Variants in CELSR3 observed in about 807,000 individuals in gnomAD.
CELSR3 encodes EGF-like protein 1.
In CELSR3, 73 loss-of-function variants were observed where a neutral mutation model predicts 270.0. That is an observed-to-expected ratio of 0.27 (90% CI 0.22 to 0.33). The LOEUF (loss-of-function observed/expected upper bound fraction) is 0.33, where lower values mean the gene tolerates loss of function less well. Among genes scored for constraint, CELSR3 ranks in the 10% least tolerant of loss-of-function variants. The pLI, the probability that CELSR3 is intolerant of heterozygous loss-of-function variation, is 1.00. For synonymous variants in CELSR3, 1,780 were observed against 1,905.4 expected (o/e 0.93, Z 1.71); for missense variants, 3,614 against 4,533.8 (o/e 0.80, Z 5.83).
In CELSR3 at chr3:48,643,014, G is replaced by T; in HGVS notation, c.8359C>A (p.Leu2787Met). 1 of 1,612,864 alleles carries T rather than the reference G, an allele frequency of 6.2e-7. No homozygotes were observed. The highest frequency in any genetic ancestry group is 1.1e-5 in the South Asian group (1 of 91,070). The change falls in exon 29 of 35, where the codon CTG becomes ATG. Residue 2787 changes from leucine (L) to methionine (M), a missense_variant. Leu to Met is a conservative substitution (Grantham distance 15, BLOSUM62 2). Coordinates refer to ENST00000164024, the MANE Select transcript of CELSR3 (RefSeq NM_001407.3). ...TCCTCAGGCGCTGCCTTCCTGCCCA[G>T]ACAGGCTGGCATCCAGGCAGCCCGA... The part of the protein sequence containing the change: ...DARAAWMPAC[L>M]GRKAAPEEAR...
At position 48,644,932 on chromosome 3, in the gene CELSR3, ATAGATGGC is replaced by A; in HGVS notation, c.7972+95_7972+102del. On this transcript the variant is annotated intron_variant, in intron 25 of 34. Transcript: ENST00000164024. This position sits in a 1 kb window ranked among gnomAD's most constrained non-coding sequence, Gnocchi z 4.8. ...TGAGGGCAGAGCAGCAACCCCATGA[ATAGATGGC>A]TTGGGGTTTGAGGTTGGGGGTCATG... 6.6e-7 allele frequency: 1 copy of A among 1,512,642 alleles called. No homozygotes were observed. The highest frequency in any genetic ancestry group is 1.2e-5 in the South Asian group (1 of 84,112). 93.7% of individuals were successfully genotyped at this position (1,512,642 alleles called of 1,614,324 possible).
At chr3:48,638,699 A>C (rs1048778582) in intron 34 of CELSR3, among the ~76,000 whole-genome samples, 1 of 151,894 alleles carries the variant, frequency 6.6e-6, no homozygotes, top group Non-Finnish European at 1.5e-5. Context: ...TCTACCTCCC[A>C]AACAGCCAGA....
At position 48,646,134 on chromosome 3, in the gene CELSR3, C is replaced by A; in HGVS notation, c.7419G>T (p.Ala2473=). The change falls in exon 22 of 35, where the codon GCG becomes GCT. Residue 2473 remains alanine (A), a synonymous_variant. Coordinates refer to ENST00000164024, the MANE Select transcript of CELSR3 (RefSeq NM_001407.3). The surrounding 1 kb of genome is among the most constrained non-coding windows in gnomAD (Gnocchi z 4.8). Reference sequence around the variant, plus strand: ...GCACACAGATCGCCTTGCTCCGATTCGCTGTCTGTAGCAGGCGAAACTCTA... The same window carrying A: ...GCACACAGATCGCCTTGCTCCGATTAGCTGTCTGTAGCAGGCGAAACTCTA... ...ISLEFRLLQT[A]NRSKAICVQW... The A allele has an allele frequency of 3.1e-6, 5 of 1,612,922 alleles. No homozygotes were observed. The highest frequency in any genetic ancestry group is 4.2e-6 in the Non-Finnish European group (5 of 1,179,936).
chr3:48,655,964 G>C lies in CELSR3; in HGVS notation c.4626-113C>G, dbSNP rs2047176931. 8.8e-7 allele frequency: 1 copy of C among 1,136,290 alleles called. No homozygotes were observed. Among genetic ancestry groups the C allele is most frequent in the African/African-American group, 1.5e-5 (1 of 65,172 alleles). The allele number at this position is 1,136,290 out of a possible 1,614,324, so 70.4% of individuals were successfully genotyped here. A position where few individuals can be genotyped will look rare whatever the true frequency, so the allele number is the denominator to read the frequency against. ...CTGGGGCGAGAGAGGAAGCGACGAG[G>C]GACGGCGGGACCGACCGGGGGGACG... On this transcript the variant is annotated intron_variant, in intron 3 of 34. Transcript: ENST00000164024. This position sits in a 1 kb window ranked among gnomAD's most constrained non-coding sequence, Gnocchi z 5.8.
chr3:48,656,567 C>G (rs1319306569), intron 2 of CELSR3, 131 bp downstream of exon 2: 1 of 1,289,860 alleles, frequency 7.8e-7, no homozygotes, highest in Non-Finnish European at 1.0e-6. Context: ...CCACGCTCTA[C>G]GGCTTCTGGC....
rs1419259211 is a variant in CELSR3, at chr3:48,638,009, C to T, written c.*196G>A. 1.1e-5 allele frequency: 6 copies of T among 551,530 alleles called. No individual in the cohort carries two copies. In the Admixed American group the frequency reaches 1.8e-4, roughly 16 times the overall value. The allele number at this position is 551,530 out of a possible 1,614,324, so 34.2% of individuals were successfully genotyped here. ...AACGTATAAAAGTCTCCCTCCAGTC[C>T]CCCGTCTCTGCACCTGTCACACGCA... On this transcript the variant is annotated 3_prime_UTR_variant, in exon 35 of 35. Transcript: ENST00000164024.
In CELSR3 at chr3:48,645,808, G is replaced by T; in HGVS notation, c.7524C>A (p.Ser2508=). 6.2e-7 allele frequency: 1 copy of T among 1,611,776 alleles called. No homozygotes were observed. Among genetic ancestry groups the T allele is most frequent in the Non-Finnish European group, 8.5e-7 (1 of 1,179,512 alleles). The change falls in exon 23 of 35, where the codon TCC becomes TCA. Residue 2508 remains serine (S), a synonymous_variant. Coordinates refer to ENST00000164024, the MANE Select transcript of CELSR3 (RefSeq NM_001407.3). This position sits in a 1 kb window ranked among gnomAD's most constrained non-coding sequence, Gnocchi z 5.4. ...RDCELVHRNG[S]HARCRCSRTG... is the part of the protein sequence containing the mutation. The stretch of plus-strand genomic sequence containing the variant: ...TCCGGCTGCAGCGACACCGTGCGTG[G>T]GACCCATTCCTGTGCACCAGCTCGC...
Position 48,650,374 on chromosome 3 carries a change from C to G in CELSR3, c.6472+106G>C, listed in dbSNP as rs948415468. 1 of 904,000 alleles carries G rather than the reference C, an allele frequency of 1.1e-6. No homozygotes were observed. The highest frequency in any genetic ancestry group is 1.8e-6 in the Non-Finnish European group (1 of 559,002). The allele number at this position is 904,000 out of a possible 1,614,324, so 56.0% of individuals were successfully genotyped here. A position where few individuals can be genotyped will look rare whatever the true frequency, so the allele number is the denominator to read the frequency against. On this transcript the variant is annotated intron_variant, in intron 16 of 34. Transcript: ENST00000164024. This position sits in a 1 kb window ranked among gnomAD's most constrained non-coding sequence, Gnocchi z 5.1. ...ATGGACTCCCACCCCACTTCCACCT[C>G]TTTGCAGGAACAAAGCCACCCAATT...
chr3:48,654,480 T>G lies in CELSR3; in HGVS notation c.4989-28A>C, dbSNP rs2047163565. ...GGGGATCAGGGGTCTGGGTCATTGGTGGGACTGGGGCCAGAGTAGAGTTGC... is the reference window on the plus strand; with the variant it reads ...GGGGATCAGGGGTCTGGGTCATTGGGGGGACTGGGGCCAGAGTAGAGTTGC... On this transcript the variant is annotated intron_variant, in intron 6 of 34. Coordinates refer to ENST00000164024, the MANE Select transcript of CELSR3 (RefSeq NM_001407.3). This position sits in a 1 kb window ranked among gnomAD's most constrained non-coding sequence, Gnocchi z 5.4. The G allele has an allele frequency of 5.8e-6, 9 of 1,546,042 alleles. No homozygotes were observed. Among genetic ancestry groups the G allele is most frequent in the Non-Finnish European group, 7.9e-6 (9 of 1,143,996 alleles).
In CELSR3 at chr3:48,660,417, C is replaced by T; in HGVS notation, c.2218G>A (p.Ala740Thr). Residue 740 changes from alanine to threonine, a missense_variant, in exon 1 of 35, where the codon GCC becomes ACC. Physicochemically the swap from Ala to Thr is moderately conservative, Grantham distance 58. Around this residue, in one of 7 missense-constraint regions of CELSR3, gnomAD observed 215 missense variants for 241.2 expected, o/e 0.89. Transcript: ENST00000164024. This position sits in a 1 kb window ranked among gnomAD's most constrained non-coding sequence, Gnocchi z 5.5. ...DHGSPPLSASASVTVTVLDVN... is the reference protein window; with the variant it reads ...DHGSPPLSASTSVTVTVLDVN... Reference sequence around the variant, plus strand: ...TCCAGCACAGTCACGGTGACACTGGCTGAGGCAGAGAGTGGGGGTGAGCCA... The same window carrying T: ...TCCAGCACAGTCACGGTGACACTGGTTGAGGCAGAGAGTGGGGGTGAGCCA... 1 of 1,614,128 alleles carries T rather than the reference C, an allele frequency of 6.2e-7. No individual in the cohort carries two copies. The highest frequency in any genetic ancestry group is 1.3e-5 in the African/African-American group (1 of 75,036).
rs760106996 is a variant in CELSR3, at chr3:48,652,083, G to A, written c.5752-35C>T. On this transcript the variant is annotated intron_variant, in intron 11 of 34. Transcript: ENST00000164024. This position sits in a 1 kb window ranked among gnomAD's most constrained non-coding sequence, Gnocchi z 4.3. ...CACAGCCAGCAAGGGGTGAGACCATGTTAAGGCACCTCAGCCTCAAGTACT... is the reference window on the plus strand; with the variant it reads ...CACAGCCAGCAAGGGGTGAGACCATATTAAGGCACCTCAGCCTCAAGTACT... 28 of 1,496,452 alleles carry A rather than the reference G, an allele frequency of 1.9e-5. No individual in the cohort carries two copies. Among genetic ancestry groups the A allele is most frequent in the Non-Finnish European group, 2.4e-5 (27 of 1,126,732 alleles). The allele number at this position is 1,496,452 out of a possible 1,614,324, so 92.7% of individuals were successfully genotyped here.
In CELSR3 at chr3:48,650,326, T is replaced by A. The variant is rs1175758727; in HGVS notation, c.6472+154A>T. The A allele has an allele frequency of 1.4e-6, 1 of 717,194 alleles. No homozygotes were observed. Among genetic ancestry groups the A allele is most frequent in the South Asian group, 1.5e-5 (1 of 66,980 alleles). 44.4% of individuals were successfully genotyped at this position (717,194 alleles called of 1,614,324 possible). On this transcript the variant is annotated intron_variant, in intron 16 of 34. Transcript: ENST00000164024. The surrounding 1 kb of genome is among the most constrained non-coding windows in gnomAD (Gnocchi z 5.1). ...CCAAGAGAAACAGATGGAGGCTCAA[T>A]GAGGGTGTAGGGAGGGGCCCACATG...
Position 48,645,945 on chromosome 3 carries a change from G to A in CELSR3, c.7464-77C>T. 2.5e-6 allele frequency: 4 copies of A among 1,571,628 alleles called. No homozygotes were observed. The highest frequency in any genetic ancestry group is 3.5e-6 in the Non-Finnish European group (4 of 1,155,202). On this transcript the variant is annotated intron_variant, in intron 22 of 34. Transcript: ENST00000164024. This position sits in a 1 kb window ranked among gnomAD's most constrained non-coding sequence, Gnocchi z 5.4. ...TTTGTGAGAGATCATGGGAAGGGCT[G>A]AGGGTGCCTGGAGTTGGGGTACAGC...
chr3:48,652,852 G>T lies in CELSR3; in HGVS notation c.5634+150C>A. ...CCAACTTGGCTGGTGGGTGGGCTCA[G>T]TGCAAGGATATATGGTGGGGAACTA... is the stretch of plus-strand genomic sequence containing the variant. On this transcript the variant is annotated intron_variant, in intron 10 of 34. Coordinates refer to ENST00000164024, the MANE Select transcript of CELSR3 (RefSeq NM_001407.3). This position sits in a 1 kb window ranked among gnomAD's most constrained non-coding sequence, Gnocchi z 4.3. 2 of 766,248 alleles carry T rather than the reference G, an allele frequency of 2.6e-6. No individual in the cohort carries two copies. Among genetic ancestry groups the T allele is most frequent in the Non-Finnish European group, 4.3e-6 (2 of 461,986 alleles). The allele number at this position is 766,248 out of a possible 1,614,324, so 47.5% of individuals were successfully genotyped here.
In CELSR3 at chr3:48,655,041, C is replaced by T. The variant is rs760098751; in HGVS notation, c.4988+3G>A. On this transcript the variant is annotated splice_donor_region_variant and intron_variant, in intron 6 of 34. Coordinates refer to ENST00000164024, the MANE Select transcript of CELSR3 (RefSeq NM_001407.3). The surrounding 1 kb of genome is among the most constrained non-coding windows in gnomAD (Gnocchi z 5.8). Reference sequence around the variant, plus strand: ...CAAGGGGACTAGGGGGCAGGGGCCTCACTTCTTGGAGCTTGTTTGCACACC... The same window carrying T: ...CAAGGGGACTAGGGGGCAGGGGCCTTACTTCTTGGAGCTTGTTTGCACACC... 1 of 1,613,680 alleles carries T rather than the reference C, an allele frequency of 6.2e-7. No homozygotes were observed. The highest frequency in any genetic ancestry group is 1.1e-5 in the South Asian group (1 of 91,068).
Position 48,659,573 on chromosome 3 carries a change from G to A in CELSR3, c.3062C>T (p.Thr1021Ile). The change falls in exon 1 of 35, where the codon ACA (threonine) becomes ATA (isoleucine). Residue 1021 changes from threonine to isoleucine, a missense_variant. By Grantham distance (89) the Thr-to-Ile change is moderately conservative (BLOSUM62 -1). Transcript: ENST00000164024. This position sits in a 1 kb window ranked among gnomAD's most constrained non-coding sequence, Gnocchi z 8.1. Reference protein sequence around the residue: ...TIEPTSGIVRTVRRLDREAVS... With the variant: ...TIEPTSGIVRIVRRLDREAVS... ...TGCCTCCCGGTCTAGCCGCCTTACTGTACGGACAATTCCAGAGGTGGGCTC... is the reference window on the plus strand; with the variant it reads ...TGCCTCCCGGTCTAGCCGCCTTACTATACGGACAATTCCAGAGGTGGGCTC... The A allele has an allele frequency of 6.2e-7, 1 of 1,614,192 alleles. No individual in the cohort carries two copies. Among genetic ancestry groups the A allele is most frequent in the Non-Finnish European group, 8.5e-7 (1 of 1,180,036 alleles).
Position 48,660,365 on chromosome 3 carries a change from G to A in CELSR3, c.2270C>T (p.Thr757Ile). Reference sequence around the variant, plus strand: ...CAGTCGTAGGTGGTACTCCTTCATTGTGAACTCAGGCCGATTGTCATTAAC... The same window carrying A: ...CAGTCGTAGGTGGTACTCCTTCATTATGAACTCAGGCCGATTGTCATTAAC... ...LDVNDNRPEF[T>I]MKEYHLRLNE... Residue 757 changes from threonine to isoleucine, a missense_variant, in exon 1 of 35, where the codon ACA (threonine) becomes ATA (isoleucine). Thr to Ile is a moderately conservative substitution (Grantham distance 89). Around this residue, in one of 7 missense-constraint regions of CELSR3, gnomAD observed 215 missense variants for 241.2 expected, o/e 0.89. Coordinates refer to ENST00000164024, the MANE Select transcript of CELSR3 (RefSeq NM_001407.3). This position sits in a 1 kb window ranked among gnomAD's most constrained non-coding sequence, Gnocchi z 5.5. The A allele has an allele frequency of 6.2e-7, 1 of 1,614,144 alleles. No homozygotes were observed. Among genetic ancestry groups the A allele is most frequent in the Non-Finnish European group, 8.5e-7 (1 of 1,180,040 alleles).
Position 48,660,192 on chromosome 3 carries a change from G to C in CELSR3, c.2443C>G (p.Leu815Val), listed in dbSNP as rs141094235. Reference protein sequence around the residue: ...STQGGVGLVTLALPLDYKQER... With the variant: ...STQGGVGLVTVALPLDYKQER... ...TGCTTGTAGTCCAGTGGCAGAGCCA[G>C]AGTCACCAGACCCACACCCCCCTGG... The change falls in exon 1 of 35, where the codon CTG becomes GTG. Residue 815 changes from leucine to valine, a missense_variant. Around this residue, in one of 7 missense-constraint regions of CELSR3, gnomAD observed 215 missense variants for 241.2 expected, o/e 0.89. Transcript: ENST00000164024. This position sits in a 1 kb window ranked among gnomAD's most constrained non-coding sequence, Gnocchi z 5.5. The C allele has an allele frequency of 6.2e-7, 1 of 1,614,008 alleles. No homozygotes were observed. The highest frequency in any genetic ancestry group is 8.5e-7 in the Non-Finnish European group (1 of 1,180,036).
Position 48,652,640 on chromosome 3 carries a change from G to T in CELSR3, c.5635-87C>A. 1 of 1,008,218 alleles carries T rather than the reference G, an allele frequency of 9.9e-7. No individual in the cohort carries two copies. 62.5% of individuals were successfully genotyped at this position (1,008,218 alleles called of 1,614,324 possible). A position where few individuals can be genotyped will look rare whatever the true frequency, so the allele number is the denominator to read the frequency against. On this transcript the variant is annotated intron_variant, in intron 10 of 34. Coordinates refer to ENST00000164024, the MANE Select transcript of CELSR3 (RefSeq NM_001407.3). This position sits in a 1 kb window ranked among gnomAD's most constrained non-coding sequence, Gnocchi z 4.3. ...CAGAGTCAGTCTTGGCCTTCTTCTA[G>T]CCCTTCTAGGCTGCCCCCTCCCTCC...
Sources: gnomAD v4.1 joint callset for allele counts (sites outside exome capture counted in the v4.1 genomes callset) on GRCh38, gnomAD v4.1.1 for gene constraint, gnomAD v4.1.1 regional missense constraint, Gnocchi (gnomAD v3.1) non-coding constraint, MANE v1.5 for transcripts, NCBI Gene and HGNC (gene_info 2026-07-23, HGNC 2026-07-21) for gene names.